The following JAK1 variants were observed in gnomAD, a reference collection of about 807,000 sequenced individuals.
JAK1 encodes the protein tyrosine-protein kinase JAK1.
A neutral mutation model predicts 136.6 loss-of-function variants in JAK1; 16 were observed. The ratio of observed to expected loss-of-function variants is 0.12; its 90% CI spans 0.08 to 0.18. The LOEUF is 0.18. JAK1 is among the 10% of genes least tolerant of loss of function. The pLI, the probability that JAK1 is intolerant of heterozygous loss-of-function variation, is 1.00. For missense variants in JAK1, 859 were observed against 1,450.1 expected, an observed-to-expected ratio of 0.59 and a Z score of 6.62; for synonymous variants, 492 against 519.5, an observed-to-expected ratio of 0.95 and a Z score of 0.72.
chr1:65,028,081 C>T (rs1646993078), intron 2 of JAK1, among the ~76,000 whole-genome samples: 1 of 152,154 alleles, frequency 6.6e-6, no homozygotes, highest in South Asian at 2.1e-4. Context: ...GGTGAACCCT[C>T]AGTAAGTCAA....
At chr1:64,947,431 A>G (rs1002154018) in intron 1 of JAK1, among the ~76,000 whole-genome samples, 4 of 152,158 alleles carry the variant, frequency 2.6e-5, no homozygotes, top group Non-Finnish European at 5.9e-5. Flanking sequence ...ATAAACAGAC[A>G]TCATCTTGGA....
chr1:64,842,309 ATTT>A (rs1323973239), intron 17 of JAK1, among the ~76,000 whole-genome samples: 3 of 152,196 alleles, frequency 2.0e-5, no homozygotes, highest in Admixed American at 2.0e-4. Flanking sequence ...CATTTTAAAA[ATTT>A]TCTTCAACTG....
chr1:64,970,216 G>A (rs1488191750), upstream of JAK1, among the ~76,000 whole-genome samples: 1 of 150,528 alleles, frequency 6.6e-6, no homozygotes, highest in East Asian at 2.0e-4. Flanking sequence ...AGACGGGGTG[G>A]ATTGCTTGAG....
chr1:64,860,080 C>A (rs2101071367), intron 9 of JAK1, 25 bp downstream of exon 9: 2 of 1,474,230 alleles, frequency 1.4e-6, no homozygotes, highest in Non-Finnish European at 1.8e-6. Context: ...ACACCAAAGG[C>A]AACTGATAAG....
At chr1:64,855,416 A>C (rs1443295509) in intron 11 of JAK1, 93 bp downstream of exon 11, 4 of 1,189,390 alleles carry the variant, frequency 3.4e-6, no homozygotes, top group Non-Finnish European at 4.7e-6. Flanking sequence ...GGGAGGGTCC[A>C]CTTTGTTTAA....
chr1:64,924,592 T>C (rs1354055025), intron 1 of JAK1, among the ~76,000 whole-genome samples: 1 of 152,186 alleles, frequency 6.6e-6, no homozygotes, highest in Non-Finnish European at 1.5e-5. Context: ...CTTAGAACTA[T>C]GTGTGGCTCC....
At chr1:64,982,677 G>A (rs926423096) in intron 2 of JAK1, among the ~76,000 whole-genome samples, 2 of 152,144 alleles carry the variant, frequency 1.3e-5, no homozygotes, top group Non-Finnish European at 2.9e-5. Context: ...TTTTAGCTCT[G>A]CTTCATCCTA....
chr1:64,914,477 G>T (rs1246412997), intron 1 of JAK1, among the ~76,000 whole-genome samples: 1 of 152,212 alleles, frequency 6.6e-6, no homozygotes, highest in Non-Finnish European at 1.5e-5. Context: ...GAGGAGAAAA[G>T]AACCTTTCTG....
chr1:64,845,661 A>G (rs528486490), intron 14 of JAK1, 21 bp from the exon 15 acceptor site: 1 of 1,613,870 alleles, frequency 6.2e-7, no homozygotes, highest in South Asian at 1.1e-5. Context: ...AAAAATAGCC[A>G]TGTCTGGAAC....
intron 2 of JAK1, among the ~76,000 whole-genome samples, chr1:64,982,478 T>C (rs1020582949): frequency 6.6e-6 from 1 of 152,198 alleles, no homozygotes; most frequent in African/African-American, 2.4e-5. Context: ...AACAGGGCCC[T>C]TTCAGATTAT....
chr1:65,016,406 G>A (rs374781597), intron 2 of JAK1, among the ~76,000 whole-genome samples: 3 of 152,298 alleles, frequency 2.0e-5, no homozygotes, highest in African/African-American at 7.2e-5. Flanking sequence ...CAGATCACTT[G>A]AGCACCAGAG....
At chr1:65,044,261 CAGG>C (rs1647163879) in intron 2 of JAK1, among the ~76,000 whole-genome samples, 3 of 152,174 alleles carry the variant, frequency 2.0e-5, no homozygotes, top group Admixed American at 2.0e-4. Context: ...GGAGGCTCAG[CAGG>C]CTGGGACCCT....
intron 10 of JAK1, 69 bp downstream of exon 10, chr1:64,857,587 C>T: frequency 1.3e-6 from 2 of 1,587,216 alleles, no homozygotes; most frequent in Non-Finnish European, 1.7e-6. Flanking sequence ...TCTGCAGCAG[C>T]TCCTGAACCA....
At position 64,845,550 on chromosome 1, in the gene JAK1, T is replaced by C. The variant is rs921175983; in HGVS notation, c.2078A>G (p.Lys693Arg). 13 of 1,614,066 alleles carry C rather than the reference T, an allele frequency of 8.1e-6. No individual in the cohort carries two copies. The highest frequency in any genetic ancestry group is 7.6e-6 in the Non-Finnish European group (9 of 1,180,042). ...SDVLTTPWKFKVAKQLASALS... is the reference protein window; with the variant it reads ...SDVLTTPWKFRVAKQLASALS... ...GGCACTGGCCAGCTGTTTGGCAACT[T>C]TGAATTTCCATGGTGTGGTAAGGAC... The change falls in exon 15 of 25, where the codon AAA becomes AGA. Residue 693 changes from lysine to arginine, a missense_variant. Physicochemically the swap from Lys to Arg is conservative, Grantham distance 26. Coordinates refer to ENST00000342505, the MANE Select transcript of JAK1 (RefSeq NM_002227.4).
At position 64,856,757 on chromosome 1, in the gene JAK1, T is replaced by C. The variant is rs1006312225; in HGVS notation, c.1458+899A>G. ...GAGCCTGGGCAGGTGGTGGTGTTCC[T>C]GCATTGCATCACCCAGGACACTTGG... On this transcript the variant is annotated intron_variant, in intron 10 of 24. Coordinates refer to ENST00000342505, the MANE Select transcript of JAK1 (RefSeq NM_002227.4). Among the ~76,000 whole-genome samples the C allele has an allele frequency of 5.1e-4, 78 of 152,206 alleles. 1 individual carries two copies. The highest frequency in any genetic ancestry group is 2.4e-4 in the Non-Finnish European group (16 of 68,026).
intron 13 of JAK1, 181 bp from the exon 14 acceptor site, chr1:64,846,917 G>A: frequency 1.7e-6 from 1 of 588,410 alleles, no homozygotes; most frequent in African/African-American, 1.9e-5. Context: ...TTGTTCTCTG[G>A]GCCAACCTGG....
intron 2 of JAK1, chr1:64,986,073 G>A: frequency 8.5e-7 from 1 of 1,172,092 alleles, no homozygotes; most frequent in Non-Finnish European, 1.2e-6. Context: ...CAGAGATGGG[G>A]TGACCTTCTA....
At position 65,057,464 on chromosome 1, in the gene JAK1, G is replaced by T. The variant is rs927164629; in HGVS notation, c.-181+10140C>A. Among the ~76,000 whole-genome samples the T allele has an allele frequency of 6.6e-5, 10 of 152,196 alleles. 1 individual carries two copies. The highest frequency in any genetic ancestry group is 2.0e-4 in the Admixed American group (3 of 15,268). On this transcript the variant is annotated intron_variant, in intron 1 of 25. Coordinates refer to the JAK1 transcript ENST00000671954. ...GCCTGTAATCCCAGCACTTTGGGAG[G>T]CTGAGGTGGGAGAATCAATTAAGCT... is the stretch of plus-strand genomic sequence containing the variant.
intron 1 of JAK1, among the ~76,000 whole-genome samples, chr1:65,063,910 A>G (rs994680675): frequency 7.9e-5 from 12 of 152,144 alleles, no homozygotes; most frequent in African/African-American, 2.9e-4. Flanking sequence ...AATGCAAGCT[A>G]CACATGTAAT....
Sources: allele counts gnomAD v4.1 joint callset (sites outside exome capture counted in the v4.1 genomes callset), GRCh38; gene constraint gnomAD v4.1.1; transcripts MANE v1.5; gene names NCBI Gene and HGNC (gene_info 2026-07-23, HGNC 2026-07-21).